Variants in ZNF746 observed in about 807,000 individuals in gnomAD.
ZNF746 encodes the protein parkin-interacting substrate.
In ZNF746, 13 loss-of-function variants were observed where a neutral mutation model predicts 41.0. That is an observed-to-expected ratio of 0.32 (90% CI 0.21 to 0.50). ZNF746 has a LOEUF of 0.50. Ranked by LOEUF, ZNF746 falls within the 20% of genes least tolerant of loss-of-function variation. The pLI is 0.98. For synonymous variants in ZNF746, 424 were observed against 396.2 expected (o/e 1.07, Z -0.83); for missense variants, 811 against 922.9 (o/e 0.88, Z 1.57).
intron 6 of ZNF746, among the ~76,000 whole-genome samples, chr7:149,475,965 A>G (rs1427275330): frequency 1.3e-5 from 2 of 152,244 alleles, no homozygotes; most frequent in Admixed American, 6.5e-5. Context: ...GCTATTTGAC[A>G]TGCAGCAGCA....
In ZNF746 at chr7:149,474,649, T is replaced by C; in HGVS notation, c.1718A>G (p.Tyr573Cys). ...FTERSKLIDH[Y>C]RTHTGVRPFT... The stretch of plus-strand genomic sequence containing the variant: ...GGGCCGCACGCCCGTGTGCGTTCGG[T>C]AGTGGTCGATGAGCTTGGAGCGTTC... Residue 573 changes from tyrosine to cysteine, a missense_variant, in exon 7 of 7, where the codon TAC becomes TGC. By Grantham distance (194) the Tyr-to-Cys change is radical (BLOSUM62 -2). Transcript: ENST00000458143. The surrounding 1 kb of genome is among the most constrained non-coding windows in gnomAD (Gnocchi z 6.3). 1 of 1,612,960 alleles carries C rather than the reference T, an allele frequency of 6.2e-7. No homozygotes were observed. Among genetic ancestry groups the C allele is most frequent in the Non-Finnish European group, 8.5e-7 (1 of 1,179,660 alleles).
chr7:149,492,806 C>T, intron 4 of ZNF746, 53 bp downstream of exon 4: 1 of 1,310,880 alleles, frequency 7.6e-7, no homozygotes, highest in Non-Finnish European at 1.1e-6. Flanking sequence ...GCCTTTCCGT[C>T]TCTGTTTCCT....
At chr7:149,496,573 G>T (rs888566054) in intron 1 of ZNF746, among the ~76,000 whole-genome samples, 3 of 152,118 alleles carry the variant, frequency 2.0e-5, no homozygotes, top group African/African-American at 7.2e-5. Flanking sequence ...TTCTGTGCCT[G>T]CACACGCCCT....
intron 1 of ZNF746, among the ~76,000 whole-genome samples, chr7:149,495,561 G>A (rs753227475): frequency 5.3e-5 from 8 of 152,312 alleles, no homozygotes; most frequent in Non-Finnish European, 8.8e-5. Context: ...GCACAGAGGA[G>A]CTCCTGGTAT....
intron 1 of ZNF746, among the ~76,000 whole-genome samples, chr7:149,496,290 T>C (rs1005573411): frequency 3.9e-5 from 6 of 152,222 alleles, no homozygotes; most frequent in African/African-American, 1.2e-4. Flanking sequence ...CTTCACACTA[T>C]GTGGTGGGAG....
At position 149,493,978 on chromosome 7, in the gene ZNF746, T is replaced by G. The variant is rs1368026268; in HGVS notation, c.451+11A>C. 1 of 1,614,206 alleles carries G rather than the reference T, an allele frequency of 6.2e-7. No homozygotes were observed. The highest frequency in any genetic ancestry group is 1.7e-5 in the Admixed American group (1 of 60,032). ...ATCCCATTTAACAGAGAAATGAGTGTCAGGCCTTACCCAGGGAGACCAGCG... is the reference window on the plus strand; with the variant it reads ...ATCCCATTTAACAGAGAAATGAGTGGCAGGCCTTACCCAGGGAGACCAGCG... On this transcript the variant is annotated intron_variant, in intron 3 of 6. Coordinates refer to ENST00000458143, the MANE Select transcript of ZNF746 (RefSeq NM_001394198.1).
chr7:149,489,630 AG>A (rs1015387547), intron 4 of ZNF746: 6 of 152,620 alleles, frequency 3.9e-5, no homozygotes, highest in Admixed American at 2.0e-4. Flanking sequence ...GAACAGCACC[AG>A]GGAACAGCAC....
intron 4 of ZNF746, among the ~76,000 whole-genome samples, 200 bp downstream of exon 4, chr7:149,492,659 T>C (rs1800841746): frequency 6.6e-6 from 1 of 152,318 alleles, no homozygotes; most frequent in South Asian, 2.1e-4. Context: ...CCTGTTTCCC[T>C]GACAGAAAGT....
chr7:149,495,713 T>G (rs1413393009), intron 1 of ZNF746, among the ~76,000 whole-genome samples: 4 of 152,178 alleles, frequency 2.6e-5, no homozygotes, highest in Non-Finnish European at 5.9e-5. Flanking sequence ...AGAACTAGAA[T>G]GCGGATGGAC....
chr7:149,491,712 G>A (rs1800815292), intron 4 of ZNF746: 1 of 594,428 alleles, frequency 1.7e-6, no homozygotes, highest in African/African-American at 1.9e-5. Context: ...GCACAGGAGG[G>A]CCTCTGCGGA....
At position 149,494,119 on chromosome 7, in the gene ZNF746, G is replaced by C. The variant is rs1434741208; in HGVS notation, c.325-4C>G. The C allele has an allele frequency of 6.2e-7, 1 of 1,614,158 alleles. No homozygotes were observed. The highest frequency in any genetic ancestry group is 1.7e-5 in the Admixed American group (1 of 60,024). On this transcript the variant is annotated splice_polypyrimidine_tract_variant and splice_region_variant and intron_variant, in intron 2 of 6. Coordinates refer to ENST00000458143, the MANE Select transcript of ZNF746 (RefSeq NM_001394198.1). This position sits in a 1 kb window ranked among gnomAD's most constrained non-coding sequence, Gnocchi z 5.6. ...CATCATCAAAGGTCACGGGCACCTG[G>C]AACCACAAGTGTCACACTCGCTCAC...
At chr7:149,481,397 ACGACGTAAATG>A (rs1439663607) in intron 4 of ZNF746, among the ~76,000 whole-genome samples, 1 of 152,228 alleles carries the variant, frequency 6.6e-6, no homozygotes, top group Non-Finnish European at 1.5e-5. Flanking sequence ...AATACCTAAT[ACGACGTAAATG>A]CTATGTAGAT....
In ZNF746 at chr7:149,494,439, G is replaced by A; in HGVS notation, c.89C>T (p.Ala30Val). 6.2e-7 allele frequency: 1 copy of A among 1,614,008 alleles called. No homozygotes were observed. ...AMERKIESQA[A>V]RLLSLEGRTG... is the part of the protein sequence containing the mutation. ...TCGACCTTCTAGGGAAAGCAGGCGA[G>A]CAGCCTGCGATTCAATCTTCCTCTC... is the stretch of plus-strand genomic sequence containing the variant. The change falls in exon 2 of 7, where the codon GCT (alanine) becomes GTT (valine). Residue 30 changes from alanine to valine, a missense_variant. Ala to Val is a moderately conservative substitution (Grantham distance 64, BLOSUM62 0). Coordinates refer to ENST00000458143, the MANE Select transcript of ZNF746 (RefSeq NM_001394198.1). This position sits in a 1 kb window ranked among gnomAD's most constrained non-coding sequence, Gnocchi z 5.6.
rs909639252 is a variant in ZNF746 at position 149,475,575 on chromosome 7, C to A, written c.884-92G>T. Reference sequence around the variant, plus strand: ...CATCACCTGCTCAGCAGCTGCCTGGCCAGACAAACTCCACCCAGGCCCTCG... The same window carrying A: ...CATCACCTGCTCAGCAGCTGCCTGGACAGACAAACTCCACCCAGGCCCTCG... On this transcript the variant is annotated intron_variant, in intron 6 of 6. Coordinates refer to ENST00000458143, the MANE Select transcript of ZNF746 (RefSeq NM_001394198.1). 9 of 1,519,156 alleles carry A rather than the reference C, an allele frequency of 5.9e-6. No homozygotes were observed. In the African/African-American group the frequency reaches 1.1e-4, roughly 19 times the overall value. 94.1% of individuals were successfully genotyped at this position (1,519,156 alleles called of 1,614,324 possible).
chr7:149,477,293 T>A (rs1056712249), intron 5 of ZNF746, among the ~76,000 whole-genome samples: 6 of 152,130 alleles, frequency 3.9e-5, no homozygotes, highest in Non-Finnish European at 8.8e-5. Flanking sequence ...GTGACTTCAA[T>A]GCCCAATGCT....
At chr7:149,484,827 C>A (rs538241613) in intron 4 of ZNF746, among the ~76,000 whole-genome samples, 2 of 151,992 alleles carry the variant, frequency 1.3e-5, no homozygotes, top group African/African-American at 4.8e-5. Flanking sequence ...GTTCCTAGAT[C>A]GTTATCAATA....
Position 149,492,942 on chromosome 7 carries a change from G to C in ZNF746, c.482C>G (p.Ser161Cys), listed in dbSNP as rs1178162426. The C allele has an allele frequency of 5.0e-6, 8 of 1,613,986 alleles. No homozygotes were observed. The highest frequency in any genetic ancestry group is 1.3e-5 in the African/African-American group (1 of 74,914). ...DYAISKPEVL[S>C]QIEQGKEPCN... ...GGGCTCCTTCCCTTGTTCAATCTGG[G>C]AGAGGACCTCGGGCTTGGAGATGGC... Residue 161 changes from serine to cysteine, a missense_variant, in exon 4 of 7, where the codon TCC becomes TGC. By Grantham distance (112) the Ser-to-Cys change is moderately radical. Coordinates refer to ENST00000458143, the MANE Select transcript of ZNF746 (RefSeq NM_001394198.1).
chr7:149,475,882 A>T (rs1800284049), intron 6 of ZNF746, among the ~76,000 whole-genome samples: 1 of 152,380 alleles, frequency 6.6e-6, no homozygotes, highest in East Asian at 1.9e-4. Context: ...TCTAACCCAC[A>T]GCTCATCTGT....
At position 149,474,119 on chromosome 7, in the gene ZNF746, AAAC is replaced by A. The variant is rs997358025; in HGVS notation, c.*262_*264del. 2.2e-5 allele frequency: 11 copies of A among 503,500 alleles called. No homozygotes were observed. Among genetic ancestry groups the A allele is most frequent in the Non-Finnish European group, 3.9e-5 (11 of 283,386 alleles). The allele number at this position is 503,500 out of a possible 1,614,324, so 31.2% of individuals were successfully genotyped here. A position where few individuals can be genotyped will look rare whatever the true frequency, so the allele number is the denominator to read the frequency against. On this transcript the variant is annotated 3_prime_UTR_variant, in exon 7 of 7. Transcript: ENST00000458143. This position sits in a 1 kb window ranked among gnomAD's most constrained non-coding sequence, Gnocchi z 6.3. ...AGCTTTTTCCTCAAGAATTAAAAAA[AAAC>A]AAAAAACAAAAAACAAAACAGGTTT...
Sources: gnomAD v4.1 joint callset for allele counts (sites outside exome capture counted in the v4.1 genomes callset) on GRCh38, gnomAD v4.1.1 for gene constraint, Gnocchi (gnomAD v3.1) non-coding constraint, MANE v1.5 for transcripts, NCBI Gene and HGNC (gene_info 2026-07-23, HGNC 2026-07-21) for gene names.